The following TNRC18 variants were observed in gnomAD, a reference collection of about 807,000 sequenced individuals.
The protein encoded by TNRC18 is trinucleotide repeat containing 18.
A neutral mutation model predicts 226.7 loss-of-function variants in TNRC18; 69 were observed. That is an observed-to-expected ratio of 0.30 (90% CI 0.25 to 0.37). The LOEUF is 0.37. Among genes scored for constraint, TNRC18 ranks in the 10% least tolerant of loss-of-function variants. TNRC18 has a pLI of 1.00. For missense variants in TNRC18, 4,754 were observed against 4,256.6 expected (o/e 1.12, Z -3.25); for synonymous variants, 2,449 against 1,927.6 (o/e 1.27, Z -7.09).
At chr7:5,387,214 A>T (rs1408704910) in intron 5 of TNRC18, among the ~76,000 whole-genome samples, 1 of 152,244 alleles carries the variant, frequency 6.6e-6, no homozygotes, top group Non-Finnish European at 1.5e-5. Context: ...AGGATGTTGG[A>T]ACCCCAGTTT....
chr7:5,374,224 G>A lies in TNRC18; in HGVS notation c.3060C>T (p.Ala1020=), dbSNP rs1343703496. ...QKLEDVSKPP[A]YAYPATPSSH... ...AGCTGGGGGTGGCGGGGTAGGCGTA[G>A]GCGGGTGGCTTGGACACGTCCTCCA... Residue 1020 remains alanine (A), a synonymous_variant, in exon 10 of 30, where the codon GCC becomes GCT. Coordinates refer to ENST00000430969, the MANE Select transcript of TNRC18 (RefSeq NM_001080495.3). 3.7e-5 allele frequency: 55 copies of A among 1,496,456 alleles called. No individual in the cohort carries two copies. The highest frequency in any genetic ancestry group is 1.3e-4 in the Admixed American group (6 of 45,402). The allele number at this position is 1,496,456 out of a possible 1,614,324, so 92.7% of individuals were successfully genotyped here. A position where few individuals can be genotyped will look rare whatever the true frequency, so the allele number is the denominator to read the frequency against.
chr7:5,402,187 A>G (rs1164556432), intron 2 of TNRC18, among the ~76,000 whole-genome samples: 1 of 149,980 alleles, frequency 6.7e-6, no homozygotes, highest in Non-Finnish European at 1.5e-5. Flanking sequence ...TCAAAAAAAA[A>G]AAAAAAAAAA....
In TNRC18 at chr7:5,377,316, G is replaced by GCCCCCCCCCCCCC; in HGVS notation, c.2461+54_2461+55insGGGGGGGGGGGGG. 4 of 453,406 alleles carry GCCCCCCCCCCCCC rather than the reference G, an allele frequency of 8.8e-6. No homozygotes were observed. The highest frequency in any genetic ancestry group is 6.1e-5 in the East Asian group (1 of 16,418). 28.1% of individuals were successfully genotyped at this position (453,406 alleles called of 1,614,324 possible). ...AGCCCTGAGCTCTTGTCCTGCACCCGCCCCCTCCCACCCCTCCCTCAGAGA... is the reference window on the plus strand; with the variant it reads ...AGCCCTGAGCTCTTGTCCTGCACCCGCCCCCCCCCCCCCCCCCCTCCCACCCCTCCCTCAGAGA... On this transcript the variant is annotated intron_variant, in intron 7 of 29. Coordinates refer to ENST00000430969, the MANE Select transcript of TNRC18 (RefSeq NM_001080495.3). The surrounding 1 kb of genome is among the most constrained non-coding windows in gnomAD (Gnocchi z 5.8).
At chr7:5,338,441 G>C (rs553900368) in intron 18 of TNRC18, among the ~76,000 whole-genome samples, 2 of 151,900 alleles carry the variant, frequency 1.3e-5, no homozygotes, top group African/African-American at 4.8e-5. Flanking sequence ...CAACAAAGAA[G>C]AACATTCTAA....
chr7:5,390,187 G>T (rs1780181343), intron 4 of TNRC18: 3 of 505,078 alleles, frequency 5.9e-6, no homozygotes, highest in Non-Finnish European at 1.0e-5. Flanking sequence ...AACACAGCAA[G>T]ACTCCACCTC....
At chr7:5,376,344 T>C in intron 8 of TNRC18, 120 bp from the exon 9 acceptor site, 1 of 939,984 alleles carries the variant, frequency 1.1e-6, no homozygotes, top group Non-Finnish European at 1.5e-6. Flanking sequence ...CTGGGCTCTC[T>C]GCGGGCCCCC....
In TNRC18 at chr7:5,361,411, C is replaced by T. The variant is rs148144256; in HGVS notation, c.4661+183G>A. On this transcript the variant is annotated intron_variant, in intron 14 of 29. Coordinates refer to ENST00000430969, the MANE Select transcript of TNRC18 (RefSeq NM_001080495.3). ...AGGAGCCATCCTCCAGGCTCAGCAC[C>T]GGCCTCGCTCCCTCCTGGCCCGGGC... 2.5e-3 allele frequency among the ~76,000 whole-genome samples: 382 copies of T among 152,328 alleles called. 3 individuals are homozygous for T. Among genetic ancestry groups the T allele is most frequent in the African/African-American group, 8.8e-3 (366 of 41,584 alleles).
At chr7:5,391,521 G>A (rs1452765339) in intron 3 of TNRC18, among the ~76,000 whole-genome samples, 1 of 151,832 alleles carries the variant, frequency 6.6e-6, no homozygotes, top group Non-Finnish European at 1.5e-5. Flanking sequence ...ATGCTGATCA[G>A]GCTGGTCTCG....
intron 2 of TNRC18, among the ~76,000 whole-genome samples, chr7:5,413,292 G>A (rs769879356): frequency 2.0e-5 from 3 of 152,096 alleles, no homozygotes; most frequent in Non-Finnish European, 2.9e-5. Flanking sequence ...AGAATGCCCA[G>A]TCCCCAGCCT....
Position 5,310,947 on chromosome 7 carries a change from TTTGTG to T in TNRC18, c.8388+1551_8388+1555del, listed in dbSNP as rs1439384799. 3.3e-5 allele frequency among the ~76,000 whole-genome samples: 5 copies of T among 151,778 alleles called. No individual in the cohort carries two copies. The East Asian group carries it at 9.6e-4, about 29-fold the overall frequency. ...GTGCACGTGTTCGTGTGTGCACGTGTTTGTGTGTGTGCACGTGTACTCGTGTGCAT... is the reference window on the plus strand; with the variant it reads ...GTGCACGTGTTCGTGTGTGCACGTGTTGTGTGCACGTGTACTCGTGTGCAT... On this transcript the variant is annotated intron_variant, in intron 27 of 29. Transcript: ENST00000430969.
intron 15 of TNRC18, among the ~76,000 whole-genome samples, chr7:5,358,222 TAG>T (rs1444332000): frequency 3.3e-5 from 5 of 152,308 alleles, no homozygotes; most frequent in African/African-American, 1.2e-4. Flanking sequence ...AAAGAACGAT[TAG>T]AGATTTCACA....
chr7:5,350,203 A>G (rs1002089380), intron 17 of TNRC18, among the ~76,000 whole-genome samples: 2 of 150,810 alleles, frequency 1.3e-5, no homozygotes, highest in African/African-American at 4.9e-5. Flanking sequence ...GGGCAGGGGG[A>G]GGCCTCGGAA....
At chr7:5,374,533 C>T (rs1794460320) in intron 9 of TNRC18, 49 bp from the exon 10 acceptor site, 2 of 1,508,228 alleles carry the variant, frequency 1.3e-6, no homozygotes, top group East Asian at 2.6e-5. Context: ...GTTTCCCCCT[C>T]CCCGACGCCC....
intron 14 of TNRC18, among the ~76,000 whole-genome samples, chr7:5,360,164 G>A (rs572902719): frequency 6.6e-5 from 10 of 151,954 alleles, no homozygotes; most frequent in Non-Finnish European, 1.3e-4. Flanking sequence ...CTGTGTTAGT[G>A]GCTTTATATT....
At chr7:5,397,973 T>C (rs1431391449) in intron 2 of TNRC18, among the ~76,000 whole-genome samples, 6 of 152,076 alleles carry the variant, frequency 3.9e-5, no homozygotes, top group South Asian at 2.1e-4. Context: ...ATACTTCTAT[T>C]TGGGATTACC....
At position 5,325,089 on chromosome 7, in the gene TNRC18, G is replaced by A; in HGVS notation, c.6300+7C>T. The stretch of plus-strand genomic sequence containing the variant: ...ACAGCCCCCAACCAGGGCACGGTGA[G>A]CCTCACCTCCTTCTTCACCTCCTTC... On this transcript the variant is annotated splice_region_variant and intron_variant, in intron 20 of 29. Coordinates refer to ENST00000430969, the MANE Select transcript of TNRC18 (RefSeq NM_001080495.3). The A allele has an allele frequency of 6.5e-7, 1 of 1,549,794 alleles. No individual in the cohort carries two copies. Among genetic ancestry groups the A allele is most frequent in the East Asian group, 2.4e-5 (1 of 40,926 alleles).
In TNRC18 at chr7:5,307,113, C is replaced by CG. The variant is rs1471902563; in HGVS notation, c.*992dup. On this transcript the variant is annotated 3_prime_UTR_variant, in exon 30 of 30. Coordinates refer to ENST00000430969, the MANE Select transcript of TNRC18 (RefSeq NM_001080495.3). ...AGTACAGTACACTTGGTGGGGTGGG[C>CG]GGGGGGTGTGCTGGGGACTGGGAGG... 2.7e-4 allele frequency: 11 copies of CG among 40,038 alleles called. No homozygotes were observed. Among genetic ancestry groups the CG allele is most frequent in the South Asian group, 7.7e-4 (1 of 1,302 alleles). The allele number at this position is 40,038 out of a possible 1,614,324, so 2.5% of individuals were successfully genotyped here.
rs754127525 is a variant in TNRC18 at position 5,376,196 on chromosome 7, C to T, written c.2637G>A (p.Pro879=). The T allele has an allele frequency of 4.3e-5, 66 of 1,530,846 alleles. 1 individual carries two copies. The Middle Eastern group carries it at 3.8e-3, about 88-fold the overall frequency. The allele number at this position is 1,530,846 out of a possible 1,614,324, so 94.8% of individuals were successfully genotyped here. A position where few individuals can be genotyped will look rare whatever the true frequency, so the allele number is the denominator to read the frequency against. The part of the protein sequence containing the change: ...FAELMERATV[P]PLWPALYPPG... Reference sequence around the variant, plus strand: ...GCGGGTACAGGGCGGGCCAGAGGGGCGGTACGGTGGCCCGCTCCATCAGCT... The same window carrying T: ...GCGGGTACAGGGCGGGCCAGAGGGGTGGTACGGTGGCCCGCTCCATCAGCT... The change falls in exon 9 of 30, where the codon CCG becomes CCA. Residue 879 remains proline, a synonymous_variant. Transcript: ENST00000430969.
At chr7:5,316,252 G>A (rs1375390521) in intron 24 of TNRC18, among the ~76,000 whole-genome samples, 180 bp from the exon 25 acceptor site, 6 of 151,250 alleles carry the variant, frequency 4.0e-5, no homozygotes, top group Admixed American at 1.3e-4. Flanking sequence ...CAGGCCACCC[G>A]GGCAGGGCAG....
Sources: gnomAD v4.1 joint callset for allele counts (sites outside exome capture counted in the v4.1 genomes callset) on GRCh38, gnomAD v4.1.1 for gene constraint, Gnocchi (gnomAD v3.1) non-coding constraint, MANE v1.5 for transcripts, NCBI Gene and HGNC (gene_info 2026-07-23, HGNC 2026-07-21) for gene names.